Variants in MSL3 observed in about 807,000 individuals in gnomAD.
MSL3 encodes the protein MSL3-like 1.
A neutral mutation model predicts 37.2 loss-of-function variants in MSL3; 5 were observed. The observed-to-expected ratio is 0.13, with a 90% confidence interval of 0.07 to 0.28. MSL3 has a LOEUF of 0.28. Ranked by LOEUF, MSL3 falls within the 10% of genes least tolerant of loss-of-function variation. The pLI is 1.00. For synonymous variants in MSL3, 149 were observed against 147.6 expected, an observed-to-expected ratio of 1.01 and a Z score of -0.07; for missense variants, 315 against 408.5, an observed-to-expected ratio of 0.77 and a Z score of 1.97.
chrX:11,764,207 C>A (rs917909735), intron 8 of MSL3: 50 of 231,955 alleles, frequency 2.2e-4, no homozygotes, highest in Non-Finnish European at 3.7e-4. Context: ...TTGGGGAAGA[C>A]GGTAGTGGGT....
At chrX:11,768,955 C>T (rs1569095981) in intron 10 of MSL3, 2 of 255,858 alleles carry the variant, frequency 7.8e-6, no homozygotes, top group East Asian at 1.8e-4. Context: ...ATGTCAATTT[C>T]CACAGAGGGC....
chrX:11,766,909 A>G (rs2053189291), intron 9 of MSL3: 4 of 752,994 alleles, frequency 5.3e-6, no homozygotes, highest in Non-Finnish European at 4.7e-6. Flanking sequence ...TCGAATCCCC[A>G]TGCCCCAGTA....
At chrX:11,772,524 G>T (rs2053240682) in intron 11 of MSL3, 97 bp from the exon 12 acceptor site, 2 of 570,214 alleles carry the variant, frequency 3.5e-6, no homozygotes, top group Non-Finnish European at 5.8e-6. Context: ...TTCAGTTCCA[G>T]TAGAGATAAG....
intron 1 of MSL3, chrX:11,758,876 C>G: frequency 2.3e-6 from 2 of 858,722 alleles, no homozygotes; most frequent in Non-Finnish European, 3.2e-6. Context: ...GCCGTGAACC[C>G]CATCCCGAGG....
At chrX:11,764,676 C>T (rs2053163622) in intron 8 of MSL3, among the ~76,000 whole-genome samples, 1 of 112,094 alleles carries the variant, frequency 8.9e-6, no homozygotes, top group Admixed American at 9.4e-5. Flanking sequence ...CAAAACTTTG[C>T]CTGCACGTGA....
chrX:11,766,462 C>T, intron 9 of MSL3: 2 of 752,695 alleles, frequency 2.7e-6, no homozygotes, highest in Non-Finnish European at 3.1e-6. Context: ...AGGCATTTTT[C>T]CCAAATTAAT....
At chrX:11,770,347 A>C (rs1224343374) in intron 10 of MSL3, among the ~76,000 whole-genome samples, 1 of 111,836 alleles carries the variant, frequency 8.9e-6, no homozygotes, top group Non-Finnish European at 1.9e-5. Flanking sequence ...TCAGATAAGA[A>C]TGCACTACGA....
chrX:11,767,313 G>A (rs1394951753), intron 9 of MSL3: 2 of 722,922 alleles, frequency 2.8e-6, no homozygotes, highest in Admixed American at 1.7e-4. Context: ...GCTTGATTGA[G>A]ATATAATCCA....
chrX:11,773,345 TGCCTCACCCA>T (rs928403226), intron 12 of MSL3, among the ~76,000 whole-genome samples: 45 of 111,980 alleles, frequency 4.0e-4, no homozygotes, highest in African/African-American at 1.4e-3. Context: ...GTTGTCCCCC[TGCCTCACCCA>T]GCTCATCCTA....
At chrX:11,769,545 T>C (rs1385358818) in intron 10 of MSL3, among the ~76,000 whole-genome samples, 1 of 112,504 alleles carries the variant, frequency 8.9e-6, no homozygotes, top group Non-Finnish European at 1.9e-5. Context: ...ATTTCCTCTT[T>C]TTTTAAGGTG....
At position 11,758,277 on chromosome X, in the gene MSL3, A is replaced by C. The variant is rs1169513465; in HGVS notation, c.14A>C (p.Glu5Ala). ...CACGATGAGCAAATGAGCGCGAGCG[A>C]GGGCATGAAATTTAAATTCCACTCA... MSAS[E>A]GMKFKFHSGE... The change falls in exon 1 of 13, where the codon GAG becomes GCG. Residue 5 changes from glutamate to alanine, a missense_variant. Transcript: ENST00000312196. 1 of 998,595 alleles carries C rather than the reference A, an allele frequency of 1.0e-6. No homozygotes were observed. Among genetic ancestry groups the C allele is most frequent in the Admixed American group, 2.9e-5 (1 of 34,034 alleles). The allele number at this position is 998,595 out of a possible 1,213,427, so 82.3% of individuals were successfully genotyped here. A position where few individuals can be genotyped will look rare whatever the true frequency, so the allele number is the denominator to read the frequency against.
At chrX:11,766,531 A>G in intron 9 of MSL3, 1 of 753,454 alleles carries the variant, frequency 1.3e-6, no homozygotes, top group East Asian at 1.5e-4. Context: ...TATTCACTTT[A>G]CATTGAAGAC....
At chrX:11,768,130 CAG>C (rs1216354968) in intron 9 of MSL3, among the ~76,000 whole-genome samples, 1 of 111,656 alleles carries the variant, frequency 9.0e-6, no homozygotes, top group Non-Finnish European at 1.9e-5. Context: ...AGTGTATTCA[CAG>C]AGTTGTGCGA....
rs374392862 is a variant in MSL3, at chrX:11,765,538, C to T, written c.980C>T (p.Pro327Leu). The change falls in exon 9 of 13, where the codon CCG becomes CTG. Residue 327 changes from proline (P) to leucine (L), a missense_variant. Transcript: ENST00000312196. The stretch of plus-strand genomic sequence containing the variant: ...ACGCCACAGTCCACAGAGAGTCAGC[C>T]GACCACCGGTGAACCAGCCACCCCC... Reference protein sequence around the residue: ...PSTPQSTESQPTTGEPATPKR... With the variant: ...PSTPQSTESQLTTGEPATPKR... 1.9e-4 allele frequency: 225 copies of T among 1,208,753 alleles called. No individual in the cohort carries two copies. The highest frequency in any genetic ancestry group is 2.3e-4 in the Non-Finnish European group (202 of 894,710).
chrX:11,760,683 A>T (rs930582930), intron 3 of MSL3, among the ~76,000 whole-genome samples, 154 bp from the exon 4 acceptor site: 1 of 112,537 alleles, frequency 8.9e-6, no homozygotes, highest in Non-Finnish European at 1.9e-5. Context: ...CAGAGTGGTT[A>T]TTGTATAATT....
chrX:11,758,386 G>T, intron 1 of MSL3, 21 bp downstream of exon 1: 2 of 1,072,014 alleles, frequency 1.9e-6, no homozygotes, highest in Non-Finnish European at 2.4e-6. Flanking sequence ...GGAGGGACAG[G>T]GAGGAGGCGC....
intron 3 of MSL3, 73 bp downstream of exon 3, chrX:11,760,571 T>A: frequency 1.4e-6 from 1 of 708,240 alleles, no homozygotes; most frequent in Non-Finnish European, 2.1e-6. Flanking sequence ...TTTTATGATA[T>A]AAAAGTAATA....
intron 7 of MSL3, among the ~76,000 whole-genome samples, chrX:11,763,198 A>G (rs1442051688): frequency 8.8e-6 from 1 of 113,158 alleles, no homozygotes; most frequent in Admixed American, 9.3e-5. Context: ...AACTATTTAC[A>G]CATCTTACAT....
chrX:11,761,067 G>C (rs1000875510), intron 4 of MSL3, 130 bp downstream of exon 4: 1 of 485,160 alleles, frequency 2.1e-6, no homozygotes. Context: ...ATTTATTTTT[G>C]ACAATTAAAG....
Sources: gnomAD v4.1 joint callset for allele counts (sites outside exome capture counted in the v4.1 genomes callset) on GRCh38, gnomAD v4.1.1 for gene constraint, MANE v1.5 for transcripts, NCBI Gene and HGNC (gene_info 2026-07-23, HGNC 2026-07-21) for gene names.